Variants in NARF observed in about 807,000 individuals in gnomAD.
NARF encodes iron-only hydrogenase-like protein 2.
In NARF, 41 loss-of-function variants were observed where a neutral mutation model predicts 48.0. The ratio of observed to expected loss-of-function variants is 0.85; its 90% CI spans 0.66 to 1.11. The LOEUF is 1.11. Ranked by LOEUF, NARF falls within the 50% of genes least tolerant of loss-of-function variation. The pLI is 0.00. For missense variants in NARF, 613 were observed against 590.2 expected (o/e 1.04, Z -0.40); for synonymous variants, 215 against 225.5 (o/e 0.95, Z 0.42).
intron 5 of NARF, among the ~76,000 whole-genome samples, chr17:82,473,616 G>T (rs910536319): frequency 1.3e-5 from 2 of 152,094 alleles, no homozygotes; most frequent in Non-Finnish European, 2.9e-5. Flanking sequence ...CTCCCAAAAT[G>T]CTGGGATTAC....
Position 82,476,333 on chromosome 17 carries a change from G to A in NARF, c.521-2467G>A, listed in dbSNP as rs1013238192. On this transcript the variant is annotated intron_variant, in intron 5 of 10. Coordinates refer to ENST00000309794, the MANE Select transcript of NARF (RefSeq NM_012336.4). ...ATTTTTGTATTTTTAGTAGAGACGGGGTTGCACCATGTTGGCCAGGCCAGT... is the reference window on the plus strand; with the variant it reads ...ATTTTTGTATTTTTAGTAGAGACGGAGTTGCACCATGTTGGCCAGGCCAGT... Among the ~76,000 whole-genome samples, 3 of 152,064 alleles carry A rather than the reference G, an allele frequency of 2.0e-5. No individual in the cohort carries two copies. The East Asian group carries it at 5.8e-4, about 30-fold the overall frequency.
chr17:82,487,876 G>T (rs375306642), intron 10 of NARF, 40 bp from the exon 11 acceptor site: 285 of 1,604,186 alleles, frequency 1.8e-4, no homozygotes, highest in Non-Finnish European at 2.3e-4. Context: ...CAGAAAGATC[G>T]CCTGAGCCCA....
chr17:82,468,482 C>T, intron 3 of NARF: 1 of 361,788 alleles, frequency 2.8e-6, no homozygotes, highest in Non-Finnish European at 5.1e-6. Flanking sequence ...CCTGTTTCAG[C>T]CTCCTGTGTA....
chr17:82,459,880 A>G (rs2043390694), intron 1 of NARF, 112 bp from the exon 2 acceptor site: 8 of 848,242 alleles, frequency 9.4e-6, no homozygotes, highest in Non-Finnish European at 1.5e-5. Flanking sequence ...AAATAAATAA[A>G]TAAACTAAAA....
chr17:82,473,219 G>A (rs1351959025), intron 5 of NARF, among the ~76,000 whole-genome samples: 1 of 151,748 alleles, frequency 6.6e-6, no homozygotes, highest in East Asian at 2.0e-4. Context: ...GGGATTACAG[G>A]CGTGAGCCAC....
At chr17:82,473,715 G>A (rs188198550) in intron 5 of NARF, among the ~76,000 whole-genome samples, 141 of 151,768 alleles carry the variant, frequency 9.3e-4, no homozygotes, top group African/African-American at 3.3e-3. Context: ...GCGCCACCAC[G>A]CCTGGCTAAT....
intron 7 of NARF, among the ~76,000 whole-genome samples, 195 bp downstream of exon 7, chr17:82,481,406 T>G (rs555947773): frequency 2.8e-4 from 43 of 152,232 alleles, no homozygotes; most frequent in Non-Finnish European, 5.0e-4. Context: ...CGATCTAGCC[T>G]CCTGTCTCCT....
At chr17:82,458,960 C>A in intron 1 of NARF, 130 bp downstream of exon 1, 1 of 1,221,612 alleles carries the variant, frequency 8.2e-7, no homozygotes. Flanking sequence ...GGCCTCGGCA[C>A]CCTGGGCCCG....
chr17:82,461,919 A>G (rs1457825220), intron 2 of NARF, among the ~76,000 whole-genome samples: 1 of 152,202 alleles, frequency 6.6e-6, no homozygotes, highest in East Asian at 1.9e-4. Flanking sequence ...ACAAGCAGCC[A>G]AAGAGCTGGC....
chr17:82,459,279 T>C, intron 1 of NARF: 1 of 695,816 alleles, frequency 1.4e-6, no homozygotes, highest in Non-Finnish European at 1.8e-6. Context: ...CTCCAGGCCA[T>C]GGCAACAACC....
chr17:82,472,981 C>T (rs776818361), intron 5 of NARF, among the ~76,000 whole-genome samples: 1 of 151,980 alleles, frequency 6.6e-6, no homozygotes, highest in African/African-American at 2.4e-5. Flanking sequence ...CGCTCTGTCA[C>T]TCAGGCTGGA....
At chr17:82,475,481 C>T (rs1271862623) in intron 5 of NARF, among the ~76,000 whole-genome samples, 1 of 152,126 alleles carries the variant, frequency 6.6e-6, no homozygotes, top group Non-Finnish European at 1.5e-5. Flanking sequence ...CCTGTAGTCC[C>T]TGCTACTCGG....
chr17:82,460,977 A>G (rs2043422763), intron 2 of NARF: 1 of 152,064 alleles, frequency 6.6e-6, no homozygotes, highest in Non-Finnish European at 1.5e-5. Flanking sequence ...GCAGTGGCTC[A>G]CTGTATGGCT....
intron 3 of NARF, chr17:82,468,410 G>C: frequency 4.7e-6 from 1 of 212,832 alleles, no homozygotes; most frequent in South Asian, 7.4e-5. Flanking sequence ...CAGTGGCTAT[G>C]GCTGTTCCTA....
intron 5 of NARF, among the ~76,000 whole-genome samples, chr17:82,474,191 C>T (rs75039647): frequency 3.9e-5 from 6 of 152,118 alleles, no homozygotes; most frequent in Non-Finnish European, 8.8e-5. Context: ...TTAAGAAAAT[C>T]CGTTTTCTCT....
rs1278842916 is a variant in NARF at position 82,480,579 on chromosome 17, C to T, written c.640-503C>T. On this transcript the variant is annotated intron_variant, in intron 6 of 10. Coordinates refer to ENST00000309794, the MANE Select transcript of NARF (RefSeq NM_012336.4). The stretch of plus-strand genomic sequence containing the variant: ...AAGAGGGGATGGGAGCCAGATGTGG[C>T]TACAGCACTTTCATCTGTGGGGCCC... 18 of 408,650 alleles carry T rather than the reference C, an allele frequency of 4.4e-5. No individual in the cohort carries two copies. In the East Asian group the frequency reaches 6.0e-4, roughly 14 times the overall value. The allele number at this position is 408,650 out of a possible 1,614,324, so 25.3% of individuals were successfully genotyped here.
At chr17:82,466,689 GTGATGT>G (rs2043577420) in intron 3 of NARF, among the ~76,000 whole-genome samples, 1 of 152,144 alleles carries the variant, frequency 6.6e-6, no homozygotes, top group South Asian at 2.1e-4. Context: ...CTGACCTCAA[GTGATGT>G]GCTCGCCTCG....
At chr17:82,467,834 A>G (rs540899363) in intron 3 of NARF, among the ~76,000 whole-genome samples, 1 of 152,076 alleles carries the variant, frequency 6.6e-6, no homozygotes, top group Admixed American at 6.6e-5. Flanking sequence ...GCATCTCTGG[A>G]TACCATTTTA....
At position 82,485,638 on chromosome 17, in the gene NARF, C is replaced by T; in HGVS notation, c.1113C>T (p.Val371=). The change falls in exon 10 of 11, where the codon GTC becomes GTT. Residue 371 remains valine, a synonymous_variant. Coordinates refer to ENST00000309794, the MANE Select transcript of NARF (RefSeq NM_012336.4). ...AGTTCCCATTCCACTTTGTGGAGGT[C>T]CTCGCCTGTGCTGGAGGTGAGGCGC... ...KGKFPFHFVE[V]LACAGGCLNG... is the part of the protein sequence containing the mutation. 1 of 1,614,100 alleles carries T rather than the reference C, an allele frequency of 6.2e-7. No homozygotes were observed. Among genetic ancestry groups the T allele is most frequent in the Admixed American group, 1.7e-5 (1 of 60,010 alleles).
Sources: allele counts gnomAD v4.1 joint callset (sites outside exome capture counted in the v4.1 genomes callset), GRCh38; gene constraint gnomAD v4.1.1; transcripts MANE v1.5; gene names NCBI Gene and HGNC (gene_info 2026-07-23, HGNC 2026-07-21).